Variants in SMAD2 observed in about 807,000 individuals in gnomAD.
The protein encoded by SMAD2 is MAD homolog 2.
In SMAD2, 8 loss-of-function variants were observed where a neutral mutation model predicts 64.4. That is an observed-to-expected ratio of 0.12 (90% CI 0.07 to 0.22). The LOEUF (loss-of-function observed/expected upper bound fraction) is 0.22, where lower values mean the gene tolerates loss of function less well. SMAD2 is among the 10% of genes least tolerant of loss of function. The pLI is 1.00. For missense variants in SMAD2, 289 were observed against 561.2 expected (o/e 0.51, Z 4.90); for synonymous variants, 203 against 195.8 (o/e 1.04, Z -0.31).
Position 47,850,407 on chromosome 18 carries a change from G to A in SMAD2, c.784+867C>T, listed in dbSNP as rs867212338. 1.4e-3 allele frequency among the ~76,000 whole-genome samples: 16 copies of A among 11,084 alleles called. 2 individuals are homozygous for A. Among genetic ancestry groups the A allele is most frequent in the Non-Finnish European group, 2.0e-3 (14 of 6,912 alleles). 7.3% of individuals were successfully genotyped at this position (11,084 alleles called of 152,430 possible). On this transcript the variant is annotated intron_variant, in intron 7 of 10. Transcript: ENST00000262160. ...TTATATAATATATATTATATATTAT[G>A]TATAATATATATAATATATTATATA...
intron 6 of SMAD2, among the ~76,000 whole-genome samples, chr18:47,851,972 A>C (rs1220413683): frequency 1.3e-5 from 2 of 152,180 alleles, no homozygotes; most frequent in Non-Finnish European, 2.9e-5. Context: ...ATCATTCATC[A>C]AGGTTGTACC....
chr18:47,901,493 CTGCT>C (rs1353147249), intron 1 of SMAD2, among the ~76,000 whole-genome samples: 37 of 151,978 alleles, frequency 2.4e-4, no homozygotes, highest in African/African-American at 8.7e-4. Flanking sequence ...ATTTAGTTGC[CTGCT>C]TGTTTTATAT....
chr18:47,858,616 A>C (rs2030919980), intron 6 of SMAD2, among the ~76,000 whole-genome samples: 1 of 152,188 alleles, frequency 6.6e-6, no homozygotes, highest in Non-Finnish European at 1.5e-5. Flanking sequence ...CATGTCAATA[A>C]TAGTACAAAC....
At chr18:47,898,281 A>C (rs2033529069) in intron 1 of SMAD2, among the ~76,000 whole-genome samples, 1 of 152,204 alleles carries the variant, frequency 6.6e-6, no homozygotes, top group African/African-American at 2.4e-5. Flanking sequence ...CACGTGTTAC[A>C]ACTAGTAACT....
At position 47,818,721 on chromosome 18, in the gene SMAD2, T is replaced by G; in HGVS notation, c.*23106A>C. ...CATTTAAATATTAACATTAAACTCA[T>G]TTGAAACTGAAAAAAGGGAAAAAAG... On this transcript the variant is annotated 3_prime_UTR_variant, in exon 11 of 11. Transcript: ENST00000262160. 6.6e-6 allele frequency: 1 copy of G among 152,314 alleles called. No homozygotes were observed. The highest frequency in any genetic ancestry group is 1.9e-4 in the East Asian group (1 of 5,192). The allele number at this position is 152,314 out of a possible 1,614,324, so 9.4% of individuals were successfully genotyped here.
Position 47,865,373 on chromosome 18 carries a change from G to T in SMAD2, c.656-240C>A, listed in dbSNP as rs536398547. ...CTCTCTGGACATACACATTATGTAC[G>T]TATCTTGCTCATTCCTATATGTACA... On this transcript the variant is annotated intron_variant, in intron 5 of 10. Coordinates refer to ENST00000262160, the MANE Select transcript of SMAD2 (RefSeq NM_005901.6). Among the ~76,000 whole-genome samples, 12 of 152,200 alleles carry T rather than the reference G, an allele frequency of 7.9e-5. No individual in the cohort carries two copies. The East Asian group carries it at 2.3e-3, about 29-fold the overall frequency.
chr18:47,884,893 C>G (rs1345667767), intron 2 of SMAD2, among the ~76,000 whole-genome samples: 2 of 152,078 alleles, frequency 1.3e-5, no homozygotes, highest in Non-Finnish European at 2.9e-5. Flanking sequence ...TTATTAAAAA[C>G]TCTACTCTGA....
At chr18:47,868,966 A>T (rs1457132760) in intron 4 of SMAD2, among the ~76,000 whole-genome samples, 2 of 152,222 alleles carry the variant, frequency 1.3e-5, no homozygotes, top group Non-Finnish European at 2.9e-5. Flanking sequence ...GACATGTAGA[A>T]GCACATCAGC....
rs905124569 is a variant in SMAD2 at position 47,889,905 on chromosome 18, G to A, written c.236+6616C>T. ...TATGTTAAACAGGACAAGAAAAGAG[G>A]GTATATTGTTCATTGCATCAGGTGT... is the stretch of plus-strand genomic sequence containing the variant. On this transcript the variant is annotated intron_variant, in intron 2 of 10. Coordinates refer to ENST00000262160, the MANE Select transcript of SMAD2 (RefSeq NM_005901.6). 3.9e-5 allele frequency among the ~76,000 whole-genome samples: 6 copies of A among 152,016 alleles called. No homozygotes were observed. The East Asian group carries it at 5.8e-4, about 15-fold the overall frequency.
intron 1 of SMAD2, among the ~76,000 whole-genome samples, chr18:47,924,963 T>C (rs1284394308): frequency 1.3e-5 from 2 of 152,226 alleles, no homozygotes; most frequent in African/African-American, 4.8e-5. Context: ...AGAGTCTTTT[T>C]TGACTTAAGA....
At chr18:47,850,737 ATATATAT>A (rs1598761871) in intron 7 of SMAD2, among the ~76,000 whole-genome samples, 9 of 29,920 alleles carry the variant, frequency 3.0e-4, no homozygotes, top group East Asian at 3.2e-3. Context: ...ATTATGTATA[ATATATAT>A]TATATATTAT....
chr18:47,889,540 G>T (rs951352609), intron 2 of SMAD2, among the ~76,000 whole-genome samples: 2 of 152,124 alleles, frequency 1.3e-5, no homozygotes, highest in African/African-American at 2.4e-5. Context: ...GGGAGGCCGA[G>T]GTGGGCGGAT....
chr18:47,814,864 C>T lies in SMAD2; in HGVS notation c.*26963G>A, dbSNP rs1481911195. 2.0e-5 allele frequency: 3 copies of T among 152,342 alleles called. No homozygotes were observed. Among genetic ancestry groups the T allele is most frequent in the Non-Finnish European group, 4.4e-5 (3 of 68,170 alleles). The allele number at this position is 152,342 out of a possible 1,614,324, so 9.4% of individuals were successfully genotyped here. On this transcript the variant is annotated 3_prime_UTR_variant, in exon 11 of 11. Coordinates refer to ENST00000262160, the MANE Select transcript of SMAD2 (RefSeq NM_005901.6). ...CTCCAAAGCCCAGCAGATTAACAGTCCCATAGTTGGGACATGGAAGCTATT... is the reference window on the plus strand; with the variant it reads ...CTCCAAAGCCCAGCAGATTAACAGTTCCATAGTTGGGACATGGAAGCTATT...
At chr18:47,891,920 C>T (rs937336433) in intron 2 of SMAD2, among the ~76,000 whole-genome samples, 2 of 151,822 alleles carry the variant, frequency 1.3e-5, no homozygotes, top group Admixed American at 6.6e-5. Context: ...AAAAAAAATA[C>T]AGGACTTTTC....
At position 47,814,688 on chromosome 18, in the gene SMAD2, G is replaced by A. The variant is rs1218317052; in HGVS notation, c.*27139C>T. The stretch of plus-strand genomic sequence containing the variant: ...AGCCACTCAAAAAAGTCCTACTCAT[G>A]ACTTAGAGGCTTACCCAGTATGGCA... On this transcript the variant is annotated 3_prime_UTR_variant, in exon 11 of 11. Transcript: ENST00000262160. 1 of 152,356 alleles carries A rather than the reference G, an allele frequency of 6.6e-6. No individual in the cohort carries two copies. Among genetic ancestry groups the A allele is most frequent in the East Asian group, 1.9e-4 (1 of 5,176 alleles). The allele number at this position is 152,356 out of a possible 1,614,324, so 9.4% of individuals were successfully genotyped here.
At chr18:47,907,439 CA>C (rs949593074) in intron 1 of SMAD2, among the ~76,000 whole-genome samples, 1 of 152,174 alleles carries the variant, frequency 6.6e-6, no homozygotes, top group African/African-American at 2.4e-5. Context: ...TGGCTTCCCA[CA>C]ACAGGCAAAA....
chr18:47,840,448 C>CAAAACCAGGATCAGTTAAG lies in SMAD2; in HGVS notation c.*1360_*1378dup, dbSNP rs1913835484. On this transcript the variant is annotated 3_prime_UTR_variant, in exon 11 of 11. Transcript: ENST00000262160. ...ACAGAGCATGAAATATTGTCAATCACAAAACCAGGATCAGTTAAGAACAGC... is the reference window on the plus strand; with the variant it reads ...ACAGAGCATGAAATATTGTCAATCACAAAACCAGGATCAGTTAAGAAAACCAGGATCAGTTAAGAACAGC... 1 of 232,660 alleles carries CAAAACCAGGATCAGTTAAG rather than the reference C, an allele frequency of 4.3e-6. No individual in the cohort carries two copies. Among genetic ancestry groups the CAAAACCAGGATCAGTTAAG allele is most frequent in the African/African-American group, 2.2e-5 (1 of 45,312 alleles). The allele number at this position is 232,660 out of a possible 1,614,324, so 14.4% of individuals were successfully genotyped here.
At chr18:47,871,582 C>CTTTG (rs1471724611) in intron 2 of SMAD2, among the ~76,000 whole-genome samples, 1 of 152,142 alleles carries the variant, frequency 6.6e-6, no homozygotes, top group Non-Finnish European at 1.5e-5. Flanking sequence ...TCATGCCCTG[C>CTTTG]TTTGGGGGCT....
rs1913473128 is a variant in SMAD2 at position 47,836,989 on chromosome 18, A to ATGCCC, written c.*4837_*4838insGGGCA. 9.4e-6 allele frequency: 2 copies of ATGCCC among 212,774 alleles called. No individual in the cohort carries two copies. The highest frequency in any genetic ancestry group is 2.3e-5 in the African/African-American group (1 of 44,264). 13.2% of individuals were successfully genotyped at this position (212,774 alleles called of 1,614,324 possible). A position where few individuals can be genotyped will look rare whatever the true frequency, so the allele number is the denominator to read the frequency against. On this transcript the variant is annotated 3_prime_UTR_variant, in exon 11 of 11. Coordinates refer to ENST00000262160, the MANE Select transcript of SMAD2 (RefSeq NM_005901.6). ...TATCATTATTCTGACTGTCTTAAATACAACAATCCAATATGCCCCAAGATG... is the reference window on the plus strand; with the variant it reads ...TATCATTATTCTGACTGTCTTAAATATGCCCCAACAATCCAATATGCCCCAAGATG...
Sources: allele counts gnomAD v4.1 joint callset (sites outside exome capture counted in the v4.1 genomes callset), GRCh38; gene constraint gnomAD v4.1.1; transcripts MANE v1.5; gene names NCBI Gene and HGNC (gene_info 2026-07-23, HGNC 2026-07-21).